KIAA0232: variants seen among roughly 807,000 people sequenced by gnomAD.
KIAA0232 encodes the protein KIAA0232, also known as uncharacterized protein KIAA0232.
KIAA0232 carries 27 observed loss-of-function variants against 122.0 expected under a neutral mutation model. The ratio of observed to expected loss-of-function variants is 0.22; its 90% CI spans 0.16 to 0.31. KIAA0232 has a LOEUF of 0.31. KIAA0232 is among the 10% of genes least tolerant of loss of function. The pLI is 1.00. For missense variants in KIAA0232, 1,551 were observed against 1,634.2 expected, an observed-to-expected ratio of 0.95 and a Z score of 0.88; for synonymous variants, 613 against 587.6, an observed-to-expected ratio of 1.04 and a Z score of -0.63.
intron 8 of KIAA0232, among the ~76,000 whole-genome samples, chr4:6,874,351 T>G (rs1224774697): frequency 3.3e-5 from 5 of 152,146 alleles, no homozygotes; most frequent in Non-Finnish European, 7.4e-5. Flanking sequence ...AGCAGTGGCT[T>G]GTGCAGGGAC....
intron 1 of KIAA0232, among the ~76,000 whole-genome samples, chr4:6,798,068 A>AG (rs1436940806): frequency 1.3e-5 from 2 of 152,082 alleles, no homozygotes; most frequent in Non-Finnish European, 2.9e-5. Context: ...AAAAAAAAAA[A>AG]AAAGAGAGAC....
In KIAA0232 at chr4:6,863,222, C is replaced by T; in HGVS notation, c.2840C>T (p.Ala947Val). Reference sequence around the variant, plus strand: ...ACCTTCAATAGTGATGGGGAGTGGGCAGTCGTACCACCTAGTCACACAAAA... The same window carrying T: ...ACCTTCAATAGTGATGGGGAGTGGGTAGTCGTACCACCTAGTCACACAAAA... ...LKTFNSDGEW[A>V]VVPPSHTKGS... Residue 947 changes from alanine to valine, a missense_variant, in exon 7 of 10, where the codon GCA (alanine) becomes GTA (valine). Transcript: ENST00000307659. 1 of 1,613,836 alleles carries T rather than the reference C, an allele frequency of 6.2e-7. No individual in the cohort carries two copies. The highest frequency in any genetic ancestry group is 8.5e-7 in the Non-Finnish European group (1 of 1,180,020).
At chr4:6,820,952 C>T (rs943236500) in intron 2 of KIAA0232, among the ~76,000 whole-genome samples, 7 of 152,100 alleles carry the variant, frequency 4.6e-5, no homozygotes, top group East Asian at 3.9e-4. Context: ...TAAGAGGAGG[C>T]GAGAGTGCTT....
chr4:6,842,994 A>C (rs541807911), intron 4 of KIAA0232, among the ~76,000 whole-genome samples: 1 of 152,208 alleles, frequency 6.6e-6, no homozygotes, highest in African/African-American at 2.4e-5. Context: ...TAGCAGTTCA[A>C]ACACTTCAAA....
intron 3 of KIAA0232, among the ~76,000 whole-genome samples, chr4:6,833,136 A>G (rs570452017): frequency 1.3e-5 from 2 of 152,316 alleles, no homozygotes; most frequent in South Asian, 4.1e-4. Context: ...GTTACAGTTT[A>G]TTAGAATCTT....
At chr4:6,853,790 A>G (rs1377875667) in intron 4 of KIAA0232, among the ~76,000 whole-genome samples, 2 of 152,238 alleles carry the variant, frequency 1.3e-5, no homozygotes, top group Non-Finnish European at 2.9e-5. Context: ...GATGGGAAGT[A>G]TGGAGAAGAT....
chr4:6,797,368 GC>G (rs1717174882), intron 1 of KIAA0232, among the ~76,000 whole-genome samples: 1 of 152,212 alleles, frequency 6.6e-6, no homozygotes. Context: ...TTCTCAAAAT[GC>G]CTCCAGGCCT....
chr4:6,813,322 C>T (rs1717959025), intron 2 of KIAA0232, among the ~76,000 whole-genome samples: 1 of 149,822 alleles, frequency 6.7e-6, no homozygotes. Context: ...AAAGTATTTA[C>T]TTATATAATA....
chr4:6,813,388 A>G (rs2108983782), intron 2 of KIAA0232, among the ~76,000 whole-genome samples: 1 of 148,708 alleles, frequency 6.7e-6, no homozygotes, highest in African/African-American at 2.5e-5. Context: ...TTTGAGACGG[A>G]GTCTCGCTCT....
At chr4:6,801,009 A>G (rs569273868) in intron 1 of KIAA0232, among the ~76,000 whole-genome samples, 2 of 152,202 alleles carry the variant, frequency 1.3e-5, no homozygotes, top group Non-Finnish European at 2.9e-5. Context: ...TAATTTGGTC[A>G]TAGGATAATT....
chr4:6,847,254 A>G (rs1257914883), intron 4 of KIAA0232, among the ~76,000 whole-genome samples: 2 of 152,198 alleles, frequency 1.3e-5, no homozygotes, highest in African/African-American at 4.8e-5. Flanking sequence ...AAAAGCATCC[A>G]TAGTTACCAG....
intron 5 of KIAA0232, among the ~76,000 whole-genome samples, chr4:6,857,909 C>T (rs1433074300): frequency 1.3e-5 from 2 of 152,178 alleles, no homozygotes; most frequent in African/African-American, 2.4e-5. Flanking sequence ...TGATTTGTAA[C>T]CTAAGGCAGT....
At position 6,871,682 on chromosome 4, in the gene KIAA0232, G is replaced by A. The variant is rs1721496644; in HGVS notation, c.3910G>A (p.Glu1304Lys). The A allele has an allele frequency of 1.3e-6, 2 of 1,549,562 alleles. No homozygotes were observed. Among genetic ancestry groups the A allele is most frequent in the Non-Finnish European group, 1.8e-6 (2 of 1,126,850 alleles). The stretch of plus-strand genomic sequence containing the variant: ...TCTTTTTCCTGCATCAGAGTGTGAA[G>A]GTAAGGAGACCTTTGTTAGTTCATT... ...SPLFPASECE[E>K]CYTNAKGESG... The change falls in exon 8 of 10, where the codon GAA (glutamate) becomes AAA (lysine). Residue 1304 changes from glutamate (E) to lysine (K), a missense_variant and splice_region_variant. Transcript: ENST00000307659.
At chr4:6,867,208 T>TAG (rs2108815969) in intron 7 of KIAA0232, among the ~76,000 whole-genome samples, 1 of 152,298 alleles carries the variant, frequency 6.6e-6, no homozygotes, top group Admixed American at 6.5e-5. Flanking sequence ...TTAGGTGCTG[T>TAG]AGGTAGAATG....
At chr4:6,864,912 T>C (rs2108808794) in intron 7 of KIAA0232, among the ~76,000 whole-genome samples, 1 of 152,290 alleles carries the variant, frequency 6.6e-6, no homozygotes, top group African/African-American at 2.4e-5. Flanking sequence ...GTTTTACATA[T>C]AAAACAAATT....
rs555574378 is a variant in KIAA0232, at chr4:6,836,959, C to G, written c.232-5108C>G. Among the ~76,000 whole-genome samples, 15 of 152,374 alleles carry G rather than the reference C, an allele frequency of 9.8e-5. No homozygotes were observed. In the South Asian group the frequency reaches 1.0e-3, roughly 11 times the overall value. ...CTGTCTATTTCTTTCCACACAGACA[C>G]GGTAACAATCTGATCTCCCTTTCTT... On this transcript the variant is annotated intron_variant, in intron 3 of 9. Coordinates refer to ENST00000307659, the MANE Select transcript of KIAA0232 (RefSeq NM_014743.3).
chr4:6,813,360 T>TG (rs567854522), intron 2 of KIAA0232, among the ~76,000 whole-genome samples: 307 of 151,978 alleles, frequency 2.0e-3, no homozygotes, highest in African/African-American at 7.0e-3. Flanking sequence ...TGTTTTTTTT[T>TG]TTTTGTTTTT....
chr4:6,856,595 AG>A (rs1720582258), intron 4 of KIAA0232, among the ~76,000 whole-genome samples: 1 of 152,162 alleles, frequency 6.6e-6, no homozygotes, highest in African/African-American at 2.4e-5. Context: ...GATGCTGAAA[AG>A]AAGACAAAGC....
At chr4:6,820,465 G>A (rs1163160718) in intron 2 of KIAA0232, among the ~76,000 whole-genome samples, 2 of 152,098 alleles carry the variant, frequency 1.3e-5, no homozygotes, top group Admixed American at 6.6e-5. Flanking sequence ...GTGTATCTCT[G>A]CCTTTTAATT....
Sources: allele counts gnomAD v4.1 joint callset (sites outside exome capture counted in the v4.1 genomes callset), GRCh38; gene constraint gnomAD v4.1.1; transcripts MANE v1.5; gene names NCBI Gene and HGNC (gene_info 2026-07-23, HGNC 2026-07-21).